Variants in RCOR1 observed in about 807,000 individuals in gnomAD.
RCOR1 encodes REST corepressor.
In RCOR1, 12 loss-of-function variants were observed where a neutral mutation model predicts 64.0. The observed-to-expected ratio is 0.19, with a 90% CI of 0.12 to 0.30. RCOR1 has a LOEUF of 0.30. Among genes scored for constraint, RCOR1 ranks in the 10% least tolerant of loss-of-function variants. The pLI is 1.00. For missense variants in RCOR1, 502 were observed against 621.2 expected, an observed-to-expected ratio of 0.81 and a Z score of 2.04; for synonymous variants, 279 against 227.2, an observed-to-expected ratio of 1.23 and a Z score of -2.05.
rs1022296572 is a variant in RCOR1 at position 102,727,103 on chromosome 14, G to T, written c.*597G>T. On this transcript the variant is annotated 3_prime_UTR_variant, in exon 12 of 12. Coordinates refer to ENST00000262241, the MANE Select transcript of RCOR1 (RefSeq NM_015156.4). ...TTCCCTAAACATGGGGTACAGTTAT[G>T]ATTTATAAATTGAGTTGGCTTAAAT... 6.6e-6 allele frequency: 1 copy of T among 152,270 alleles called. No individual in the cohort carries two copies. Among genetic ancestry groups the T allele is most frequent in the Non-Finnish European group, 1.5e-5 (1 of 68,130 alleles). The allele number at this position is 152,270 out of a possible 1,614,324, so 9.4% of individuals were successfully genotyped here. A position where few individuals can be genotyped will look rare whatever the true frequency, so the allele number is the denominator to read the frequency against.
chr14:102,598,162 G>C (rs1893304642), intron 2 of RCOR1, among the ~76,000 whole-genome samples: 1 of 152,192 alleles, frequency 6.6e-6, no homozygotes, highest in East Asian at 1.9e-4. Context: ...CACCATGTTG[G>C]CCAGGCTGGT....
intron 2 of RCOR1, among the ~76,000 whole-genome samples, chr14:102,667,150 T>C (rs989545994): frequency 3.3e-5 from 5 of 151,966 alleles, no homozygotes; most frequent in Non-Finnish European, 5.9e-5. Context: ...CGGTGAGCTA[T>C]GGTCATATCA....
At chr14:102,614,797 G>A (rs1355893357) in intron 2 of RCOR1, among the ~76,000 whole-genome samples, 2 of 151,412 alleles carry the variant, frequency 1.3e-5, no homozygotes, top group Non-Finnish European at 2.9e-5. Context: ...CTCAGGAAAA[G>A]CATATAAAAA....
chr14:102,706,993 TATC>T (rs1014341838), intron 4 of RCOR1, among the ~76,000 whole-genome samples: 22 of 152,214 alleles, frequency 1.4e-4, no homozygotes, highest in Admixed American at 3.9e-4. Flanking sequence ...ATTGTATACT[TATC>T]ATTTCCAAGA....
intron 2 of RCOR1, among the ~76,000 whole-genome samples, chr14:102,665,249 CCCACCT>C (rs1478201387): frequency 6.6e-6 from 1 of 151,834 alleles, no homozygotes; most frequent in African/African-American, 2.4e-5. Flanking sequence ...TGGTGATCCA[CCCACCT>C]CAGCCTCCCA....
chr14:102,677,358 C>T (rs1269010075), intron 2 of RCOR1, among the ~76,000 whole-genome samples: 1 of 142,734 alleles, frequency 7.0e-6, no homozygotes, highest in African/African-American at 2.8e-5. Flanking sequence ...CCACCTCCCT[C>T]CCGGACGGGG....
chr14:102,710,593 A>G (rs561600526), intron 6 of RCOR1: 5 of 223,856 alleles, frequency 2.2e-5, no homozygotes, highest in East Asian at 1.5e-4. Context: ...CTAGTCCTCA[A>G]TAGATAATTA....
chr14:102,611,568 A>G (rs1297292922), intron 2 of RCOR1, among the ~76,000 whole-genome samples: 1 of 152,104 alleles, frequency 6.6e-6, no homozygotes, highest in Non-Finnish European at 1.5e-5. Context: ...TTGTATTTCT[A>G]TAAATATTCT....
intron 2 of RCOR1, among the ~76,000 whole-genome samples, chr14:102,669,067 T>C (rs1026461480): frequency 6.6e-6 from 1 of 152,132 alleles, no homozygotes; most frequent in Non-Finnish European, 1.5e-5. Flanking sequence ...CCCAGCACTT[T>C]GAGAGGCTGA....
At chr14:102,616,206 ATGTG>A (rs56991991) in intron 2 of RCOR1, among the ~76,000 whole-genome samples, 7,414 of 149,166 alleles carry the variant, frequency 0.05, 204 homozygotes, top group Middle Eastern at 0.13. Context: ...ACATGTGTAT[ATGTG>A]TGTGTGTGTG....
intron 2 of RCOR1, among the ~76,000 whole-genome samples, chr14:102,593,865 TA>T (rs1893188104): frequency 6.6e-6 from 1 of 152,062 alleles, no homozygotes; most frequent in Non-Finnish European, 1.5e-5. Context: ...AACCAGTCAA[TA>T]AAAGAAGTGT....
intron 2 of RCOR1, among the ~76,000 whole-genome samples, chr14:102,627,642 G>A (rs1383381143): frequency 6.6e-6 from 1 of 150,728 alleles, no homozygotes; most frequent in African/African-American, 2.4e-5. Flanking sequence ...GGGCGACAGA[G>A]TGAGACTCTG....
intron 2 of RCOR1, among the ~76,000 whole-genome samples, chr14:102,642,928 G>A (rs1274875544): frequency 1.3e-5 from 2 of 152,162 alleles, no homozygotes; most frequent in African/African-American, 2.4e-5. Flanking sequence ...AATGAGTCAG[G>A]AAGGCCATTT....
intron 2 of RCOR1, among the ~76,000 whole-genome samples, chr14:102,635,982 G>A (rs577754056): frequency 1.4e-4 from 21 of 151,284 alleles, no homozygotes; most frequent in African/African-American, 3.6e-4. Context: ...TCACTCTGTC[G>A]CCCAGGCTGG....
chr14:102,613,402 T>C (rs1419623866), intron 2 of RCOR1, among the ~76,000 whole-genome samples: 1 of 150,474 alleles, frequency 6.6e-6, no homozygotes, highest in Non-Finnish European at 1.5e-5. Context: ...GCACCTGGCC[T>C]TTTTTTTTCT....
intron 11 of RCOR1, among the ~76,000 whole-genome samples, chr14:102,726,061 G>C (rs764590510): frequency 2.0e-5 from 3 of 151,880 alleles, no homozygotes; most frequent in Non-Finnish European, 4.4e-5. Flanking sequence ...GGGCGTGGGG[G>C]CCCACACATG....
chr14:102,631,546 T>C (rs186704097), intron 2 of RCOR1, among the ~76,000 whole-genome samples: 5 of 152,102 alleles, frequency 3.3e-5, no homozygotes, highest in Admixed American at 1.3e-4. Context: ...CTATTAAAAA[T>C]TATGTCAGGT....
intron 5 of RCOR1, among the ~76,000 whole-genome samples, chr14:102,707,874 C>T (rs573753914): frequency 1.3e-5 from 2 of 152,092 alleles, no homozygotes; most frequent in African/African-American, 2.4e-5. Context: ...CTGCAACCTC[C>T]GCCTCCCGGG....
At chr14:102,606,091 A>T (rs1393070415) in intron 2 of RCOR1, among the ~76,000 whole-genome samples, 1 of 151,468 alleles carries the variant, frequency 6.6e-6, no homozygotes, top group Non-Finnish European at 1.5e-5. Context: ...ATGCCTGGCT[A>T]ATTTTTGTAT....
Sources: gnomAD v4.1 joint callset for allele counts (sites outside exome capture counted in the v4.1 genomes callset) on GRCh38, gnomAD v4.1.1 for gene constraint, MANE v1.5 for transcripts, NCBI Gene and HGNC (gene_info 2026-07-23, HGNC 2026-07-21) for gene names.